Variants in SLC25A21 observed in about 807,000 individuals in gnomAD.
SLC25A21 encodes solute carrier family 25 member 21, also known as mitochondrial 2-oxodicarboxylate carrier.
SLC25A21 carries 47 observed loss-of-function variants against 43.8 expected under a neutral mutation model. The ratio of observed to expected loss-of-function variants is 1.07; its 90% CI spans 0.85 to 1.37. The LOEUF (loss-of-function observed/expected upper bound fraction) is 1.37, where lower values mean the gene tolerates loss of function less well. Among genes scored for constraint, SLC25A21 ranks in the 40% most tolerant of loss-of-function variants. SLC25A21 has a pLI of 0.00. For missense variants in SLC25A21, 352 were observed against 350.2 expected (o/e 1.00, Z -0.04); for synonymous variants, 131 against 121.3 (o/e 1.08, Z -0.52).
chr14:36,876,987 G>A (rs1332970103), intron 1 of SLC25A21, among the ~76,000 whole-genome samples: 1 of 151,550 alleles, frequency 6.6e-6, no homozygotes. Flanking sequence ...TCTAATTTAA[G>A]CTTTATTATA....
At chr14:36,723,178 G>A (rs1028897647) in intron 6 of SLC25A21, among the ~76,000 whole-genome samples, 10 of 152,156 alleles carry the variant, frequency 6.6e-5, no homozygotes, top group Non-Finnish European at 1.0e-4. Flanking sequence ...AGCAATATCC[G>A]AATGTTCTAT....
At chr14:36,876,527 G>C (rs79773523) in intron 1 of SLC25A21, among the ~76,000 whole-genome samples, 3,957 of 152,180 alleles carry the variant, frequency 0.026, 137 homozygotes, top group East Asian at 0.12. Flanking sequence ...AAAGCCTCTA[G>C]GTACTGTTTT....
At chr14:36,975,758 T>C (rs1028060349) in intron 1 of SLC25A21, among the ~76,000 whole-genome samples, 7 of 152,172 alleles carry the variant, frequency 4.6e-5, no homozygotes, top group Middle Eastern at 3.2e-3. Flanking sequence ...GCAACTCTAA[T>C]GGTGATCCCA....
rs140974859 is a variant in SLC25A21 at position 36,900,305 on chromosome 14, G to A, written c.71-25301C>T. ...TGTGAATCCCTGGCCAATTGCTGTG[G>A]CCAGGAGGATAGGGACATCTCATTG... On this transcript the variant is annotated intron_variant, in intron 1 of 9. Coordinates refer to ENST00000331299, the MANE Select transcript of SLC25A21 (RefSeq NM_030631.4). Among the ~76,000 whole-genome samples, 769 of 152,174 alleles carry A rather than the reference G, an allele frequency of 5.1e-3. 8 individuals are homozygous for A. Among genetic ancestry groups the A allele is most frequent in the South Asian group, 0.023 (112 of 4,810 alleles).
At chr14:36,937,987 A>G (rs1271071206) in intron 1 of SLC25A21, among the ~76,000 whole-genome samples, 1 of 152,102 alleles carries the variant, frequency 6.6e-6, no homozygotes, top group Non-Finnish European at 1.5e-5. Flanking sequence ...CATTTTCTGG[A>G]GAGAAGAACA....
At chr14:36,935,462 T>C (rs1054113629) in intron 1 of SLC25A21, among the ~76,000 whole-genome samples, 2 of 152,144 alleles carry the variant, frequency 1.3e-5, no homozygotes, top group Non-Finnish European at 2.9e-5. Context: ...TCTTTTTAGT[T>C]TAGCAATGGG....
chr14:37,066,862 AC>A (rs1962072198), intron 1 of SLC25A21, among the ~76,000 whole-genome samples: 1 of 152,168 alleles, frequency 6.6e-6, no homozygotes, highest in Admixed American at 6.5e-5. Flanking sequence ...GTACTGTTTT[AC>A]TTTTTCAACT....
intron 7 of SLC25A21, among the ~76,000 whole-genome samples, chr14:36,694,754 A>G (rs1454763205): frequency 1.3e-5 from 2 of 151,272 alleles, no homozygotes; most frequent in Non-Finnish European, 3.0e-5. Flanking sequence ...CTTTTTCATG[A>G]GGTTGTTTTT....
At chr14:36,821,248 A>T (rs1046562805) in intron 2 of SLC25A21, among the ~76,000 whole-genome samples, 1 of 152,176 alleles carries the variant, frequency 6.6e-6, no homozygotes, top group Admixed American at 6.5e-5. Context: ...GAGAAGAAAT[A>T]GCACCTTCTT....
intron 1 of SLC25A21, among the ~76,000 whole-genome samples, chr14:37,023,315 A>T (rs768932788): frequency 2.6e-5 from 4 of 152,008 alleles, no homozygotes; most frequent in Non-Finnish European, 5.9e-5. Flanking sequence ...TAAATTTTTT[A>T]AAATGCAAGA....
intron 1 of SLC25A21, among the ~76,000 whole-genome samples, chr14:37,079,712 A>G (rs1200801849): frequency 6.6e-6 from 1 of 152,178 alleles, no homozygotes; most frequent in Non-Finnish European, 1.5e-5. Context: ...TTCCAGTCAC[A>G]CTGAGCATCT....
chr14:36,809,759 A>G (rs1631933), intron 3 of SLC25A21, among the ~76,000 whole-genome samples: 63,755 of 152,014 alleles, frequency 0.42, 13,824 homozygotes, highest in East Asian at 0.69. Context: ...CCTTTAACTT[A>G]GAGGAGATAG....
At chr14:36,933,326 G>C (rs575833192) in intron 1 of SLC25A21, among the ~76,000 whole-genome samples, 9 of 152,026 alleles carry the variant, frequency 5.9e-5, no homozygotes, top group Non-Finnish European at 1.3e-4. Context: ...GTTTTCAGAG[G>C]GGAACTCCTA....
chr14:37,141,215 T>C (rs1192051700), intron 1 of SLC25A21, among the ~76,000 whole-genome samples: 2 of 152,178 alleles, frequency 1.3e-5, no homozygotes, highest in African/African-American at 4.8e-5. Flanking sequence ...AAATTCAAGC[T>C]TTTTTATATA....
At chr14:36,970,343 A>G (rs1193883879) in intron 1 of SLC25A21, among the ~76,000 whole-genome samples, 2 of 152,194 alleles carry the variant, frequency 1.3e-5, no homozygotes, top group African/African-American at 4.8e-5. Context: ...GGAATCGTGA[A>G]TGAATAGATG....
At chr14:37,112,958 G>C (rs927881410) in intron 1 of SLC25A21, among the ~76,000 whole-genome samples, 2 of 151,272 alleles carry the variant, frequency 1.3e-5, no homozygotes, top group African/African-American at 4.9e-5. Context: ...CTAAAAAATG[G>C]AAACAAAAAA....
At chr14:36,682,298 A>G (rs1046030882) in intron 9 of SLC25A21, among the ~76,000 whole-genome samples, 5 of 152,020 alleles carry the variant, frequency 3.3e-5, no homozygotes, top group African/African-American at 1.2e-4. Flanking sequence ...TGGGATGCAC[A>G]CATTTGGAAT....
At chr14:36,867,906 C>T (rs1425763544) in intron 2 of SLC25A21, among the ~76,000 whole-genome samples, 1 of 151,758 alleles carries the variant, frequency 6.6e-6, no homozygotes. Flanking sequence ...GAGGAGATAA[C>T]TTAATGAGGT....
intron 1 of SLC25A21, among the ~76,000 whole-genome samples, chr14:36,933,994 T>C (rs1892356715): frequency 6.6e-6 from 1 of 152,028 alleles, no homozygotes; most frequent in Non-Finnish European, 1.5e-5. Context: ...TGAATGCAAA[T>C]CTCTAGGAAT....
Sources: allele counts gnomAD v4.1 joint callset (sites outside exome capture counted in the v4.1 genomes callset), GRCh38; gene constraint gnomAD v4.1.1; transcripts MANE v1.5; gene names NCBI Gene and HGNC (gene_info 2026-07-23, HGNC 2026-07-21).